THRB: variants seen among roughly 807,000 people sequenced by gnomAD.
THRB encodes the protein nuclear receptor subfamily 1 group A member 2.
A neutral mutation model predicts 47.8 loss-of-function variants in THRB; 12 were observed. The observed-to-expected ratio is 0.25, with a 90% confidence interval of 0.16 to 0.41. The LOEUF (loss-of-function observed/expected upper bound fraction) is 0.41. Ranked by LOEUF, THRB falls within the 10% of genes least tolerant of loss-of-function variation. The pLI, the probability that THRB is intolerant of heterozygous loss-of-function variation, is 1.00. For synonymous variants in THRB, 218 were observed against 212.2 expected, an observed-to-expected ratio of 1.03 and a Z score of -0.24; for missense variants, 348 against 589.2, an observed-to-expected ratio of 0.59 and a Z score of 4.24.
intron 10 of THRB, among the ~76,000 whole-genome samples, chr3:24,125,686 G>A (rs2032624335): frequency 1.3e-5 from 2 of 152,164 alleles, no homozygotes; most frequent in Non-Finnish European, 2.9e-5. Flanking sequence ...AGCCCTAGAG[G>A]TCATCTATAG....
At chr3:24,154,780 A>C (rs1409190011) in intron 5 of THRB, among the ~76,000 whole-genome samples, 2 of 152,338 alleles carry the variant, frequency 1.3e-5, no homozygotes, top group Non-Finnish European at 2.9e-5. Context: ...GCTACATCTG[A>C]ACCTCTTATA....
intron 1 of THRB, among the ~76,000 whole-genome samples, chr3:24,384,895 C>T (rs1275693249): frequency 6.6e-6 from 1 of 152,048 alleles, no homozygotes; most frequent in African/African-American, 2.4e-5. Context: ...TGGAAATGCT[C>T]TAAATTTTAT....
rs188829993 is a variant in THRB at position 24,465,567 on chromosome 3, T to C, written c.-261+29085A>G. Among the ~76,000 whole-genome samples, 25 of 152,234 alleles carry C rather than the reference T, an allele frequency of 1.6e-4. No individual in the cohort carries two copies. In the East Asian group the frequency reaches 2.5e-3, roughly 15 times the overall value. ...ACAGGCATGCACCACCATGACAGGC[T>C]TAATTTTTGTATGTTTAGTAGAGAT... On this transcript the variant is annotated intron_variant, in intron 1 of 10. Transcript: ENST00000646209.
At chr3:24,187,538 G>C (rs1328931624) in intron 5 of THRB, among the ~76,000 whole-genome samples, 3 of 152,118 alleles carry the variant, frequency 2.0e-5, no homozygotes, top group African/African-American at 7.2e-5. Context: ...TGTCCTTTTG[G>C]CCCTGCTGCC....
At chr3:24,399,585 G>A (rs1480433132) in intron 1 of THRB, among the ~76,000 whole-genome samples, 3 of 152,038 alleles carry the variant, frequency 2.0e-5, no homozygotes, top group African/African-American at 4.8e-5. Context: ...CTGTCAAAAG[G>A]TAACAAATAA....
At chr3:24,297,414 T>C (rs897764142) in intron 2 of THRB, 43 bp from the exon 3 acceptor site, 2 of 152,254 alleles carry the variant, frequency 1.3e-5, no homozygotes, top group Non-Finnish European at 2.9e-5. Flanking sequence ...ATCTATTTCA[T>C]TGTAGCACTT....
At chr3:24,272,859 C>T (rs2053497835) in intron 3 of THRB, among the ~76,000 whole-genome samples, 1 of 152,158 alleles carries the variant, frequency 6.6e-6, no homozygotes, top group Non-Finnish European at 1.5e-5. Flanking sequence ...GGTCTTTCCT[C>T]CTATTAAAGT....
chr3:24,198,183 G>A (rs958533238), intron 4 of THRB, among the ~76,000 whole-genome samples: 1 of 152,194 alleles, frequency 6.6e-6, no homozygotes, highest in Non-Finnish European at 1.5e-5. Context: ...TGCCCCAGCT[G>A]ATGCCATGAG....
intron 2 of THRB, among the ~76,000 whole-genome samples, chr3:24,316,071 G>T (rs1168940280): frequency 1.3e-5 from 2 of 152,004 alleles, no homozygotes; most frequent in Non-Finnish European, 2.9e-5. Flanking sequence ...ATGCTTTATT[G>T]CACTCTTTAG....
intron 4 of THRB, among the ~76,000 whole-genome samples, chr3:24,218,179 A>C (rs2149960323): frequency 6.6e-6 from 1 of 152,072 alleles, no homozygotes; most frequent in Non-Finnish European, 1.5e-5. Context: ...GAGGCAGGAG[A>C]ATGGCTTGAA....
In THRB at chr3:24,331,648, G is replaced by C. The variant is rs527869025; in HGVS notation, c.-189+5652C>G. Among the ~76,000 whole-genome samples the C allele has an allele frequency of 2.1e-4, 31 of 150,278 alleles. 1 individual carries two copies. The highest frequency in any genetic ancestry group is 7.7e-4 in the African/African-American group (31 of 40,428). The stretch of plus-strand genomic sequence containing the variant: ...ATGAATATACATACACATATATAGT[G>C]TGTTTATATACATACACACACCTCC... On this transcript the variant is annotated intron_variant, in intron 2 of 10. Transcript: ENST00000646209.
intron 9 of THRB, among the ~76,000 whole-genome samples, chr3:24,128,948 G>A (rs1291839089): frequency 1.5e-5 from 2 of 132,826 alleles, no homozygotes; most frequent in East Asian, 5.0e-4. Flanking sequence ...CCTAATATCT[G>A]TCTCTTCATT....
chr3:24,192,859 G>C (rs140393121), intron 4 of THRB, among the ~76,000 whole-genome samples: 1 of 152,168 alleles, frequency 6.6e-6, no homozygotes. Context: ...AATTACATTC[G>C]TAATAATGAT....
chr3:24,467,178 ACTC>A (rs747943198), intron 1 of THRB, among the ~76,000 whole-genome samples: 5 of 152,166 alleles, frequency 3.3e-5, no homozygotes, highest in Non-Finnish European at 7.4e-5. Flanking sequence ...ATAAGAAGCA[ACTC>A]CTTAACCATA....
chr3:24,270,510 C>T (rs902669377), intron 3 of THRB, among the ~76,000 whole-genome samples: 4 of 152,228 alleles, frequency 2.6e-5, no homozygotes, highest in African/African-American at 9.6e-5. Context: ...GAGCACCTAT[C>T]TATAATGCCA....
chr3:24,137,160 G>A (rs2034788774), intron 8 of THRB, among the ~76,000 whole-genome samples: 1 of 152,176 alleles, frequency 6.6e-6, no homozygotes, highest in Admixed American at 6.5e-5. Context: ...GAACTTAAGG[G>A]GGTAGAGAAT....
intron 10 of THRB, among the ~76,000 whole-genome samples, chr3:24,125,224 T>A (rs2032516860): frequency 6.6e-6 from 1 of 152,230 alleles, no homozygotes; most frequent in South Asian, 2.1e-4. Flanking sequence ...AAGCCTTTGT[T>A]ACTTTGGAGC....
chr3:24,187,238 C>T (rs898982683), intron 5 of THRB, among the ~76,000 whole-genome samples: 1 of 152,142 alleles, frequency 6.6e-6, no homozygotes, highest in African/African-American at 2.4e-5. Flanking sequence ...ATGCCAGTGG[C>T]AATGTCAAAC....
chr3:24,340,907 C>G (rs527267612), intron 1 of THRB, among the ~76,000 whole-genome samples: 2 of 152,096 alleles, frequency 1.3e-5, no homozygotes, highest in African/African-American at 2.4e-5. Flanking sequence ...TCTTCTGATA[C>G]GTTTAAACAT....
Sources: allele counts gnomAD v4.1 joint callset (sites outside exome capture counted in the v4.1 genomes callset), GRCh38; gene constraint gnomAD v4.1.1; transcripts MANE v1.5; gene names NCBI Gene and HGNC (gene_info 2026-07-23, HGNC 2026-07-21).